MAGI2: variants seen among roughly 807,000 people sequenced by gnomAD.
The protein encoded by MAGI2 is membrane-associated guanylate kinase, WW and PDZ domain-containing protein 2.
MAGI2 carries 35 observed loss-of-function variants against 133.3 expected under a neutral mutation model. The observed-to-expected ratio is 0.26, with a 90% CI of 0.20 to 0.35. The LOEUF (loss-of-function observed/expected upper bound fraction) is 0.35. Ranked by LOEUF, MAGI2 falls within the 10% of genes least tolerant of loss-of-function variation. The pLI is 1.00. For synonymous variants in MAGI2, 729 were observed against 710.6 expected, an observed-to-expected ratio of 1.03 and a Z score of -0.41; for missense variants, 1,636 against 1,863.4, an observed-to-expected ratio of 0.88 and a Z score of 2.25.
chr7:78,876,810 G>C (rs1340399775), intron 2 of MAGI2, among the ~76,000 whole-genome samples: 1 of 152,158 alleles, frequency 6.6e-6, no homozygotes, highest in Non-Finnish European at 1.5e-5. Flanking sequence ...ATGGAATTTT[G>C]CTCCCCATCA....
At chr7:78,793,060 G>A (rs1210233787) in intron 2 of MAGI2, among the ~76,000 whole-genome samples, 2 of 152,210 alleles carry the variant, frequency 1.3e-5, no homozygotes, top group Non-Finnish European at 2.9e-5. Context: ...TATAAGCGTG[G>A]AAGTAAAACA....
At chr7:78,366,539 T>A (rs1793396845) in intron 7 of MAGI2, among the ~76,000 whole-genome samples, 1 of 152,136 alleles carries the variant, frequency 6.6e-6, no homozygotes, top group African/African-American at 2.4e-5. Context: ...GTGAAAATAA[T>A]AGTGCAATAG....
At chr7:78,575,317 T>C (rs1438944976) in intron 3 of MAGI2, among the ~76,000 whole-genome samples, 4 of 152,110 alleles carry the variant, frequency 2.6e-5, no homozygotes, top group Admixed American at 1.3e-4. Context: ...AAACTATGAT[T>C]ACTTTTTGCA....
intron 2 of MAGI2, among the ~76,000 whole-genome samples, chr7:78,741,060 G>A (rs1822370906): frequency 6.6e-6 from 1 of 152,150 alleles, no homozygotes; most frequent in South Asian, 2.1e-4. Flanking sequence ...AAAGAATGCA[G>A]CCATTTTTTT....
chr7:78,949,167 T>C (rs1456851552), intron 2 of MAGI2, among the ~76,000 whole-genome samples: 1 of 152,062 alleles, frequency 6.6e-6, no homozygotes, highest in Non-Finnish European at 1.5e-5. Flanking sequence ...TGTGGAAAAA[T>C]AGAAGGATTT....
At chr7:79,045,407 A>G (rs1812080548) in intron 1 of MAGI2, among the ~76,000 whole-genome samples, 1 of 152,240 alleles carries the variant, frequency 6.6e-6, no homozygotes, top group Non-Finnish European at 1.5e-5. Context: ...ATTTACTTAT[A>G]ATTTGTTACT....
chr7:78,046,327 G>A (rs557490495), intron 21 of MAGI2, among the ~76,000 whole-genome samples: 8 of 151,830 alleles, frequency 5.3e-5, no homozygotes, highest in Non-Finnish European at 1.2e-4. Flanking sequence ...GCTTGAGCCC[G>A]GGAGGTGGAG....
At chr7:78,063,091 C>G (rs1456261179) in intron 21 of MAGI2, among the ~76,000 whole-genome samples, 6 of 152,160 alleles carry the variant, frequency 3.9e-5, no homozygotes, top group Non-Finnish European at 8.8e-5. Context: ...TTTTAACTGC[C>G]TGCATTTTTC....
chr7:78,655,767 G>T (rs1166255344), intron 2 of MAGI2, among the ~76,000 whole-genome samples: 3 of 152,018 alleles, frequency 2.0e-5, no homozygotes, highest in African/African-American at 7.2e-5. Flanking sequence ...GGATCACGAG[G>T]TCAGGAGATC....
At chr7:78,090,635 G>A (rs1271460418) in intron 20 of MAGI2, among the ~76,000 whole-genome samples, 1 of 152,178 alleles carries the variant, frequency 6.6e-6, no homozygotes, top group Non-Finnish European at 1.5e-5. Flanking sequence ...AGGCAACCTT[G>A]AATTCTGAGA....
chr7:78,421,886 C>G (rs971455052), intron 6 of MAGI2, among the ~76,000 whole-genome samples: 1 of 152,092 alleles, frequency 6.6e-6, no homozygotes, highest in African/African-American at 2.4e-5. Context: ...AGTTGTGAGA[C>G]AGTCTTATAT....
At chr7:78,023,156 A>G (rs1024134715) in intron 21 of MAGI2, among the ~76,000 whole-genome samples, 6 of 152,224 alleles carry the variant, frequency 3.9e-5, no homozygotes, top group Non-Finnish European at 5.9e-5. Context: ...GGGCCTCTTC[A>G]GTAGGCAGCC....
At chr7:79,433,867 C>T (rs557358232) in intron 1 of MAGI2, among the ~76,000 whole-genome samples, 24 of 151,928 alleles carry the variant, frequency 1.6e-4, no homozygotes, top group South Asian at 1.5e-3. Flanking sequence ...TATAACAAAA[C>T]GGGAAAAAAC....
At chr7:78,366,751 A>G (rs1990369) in intron 7 of MAGI2, among the ~76,000 whole-genome samples, 75,176 of 151,940 alleles carry the variant, frequency 0.49, 19,149 homozygotes, top group Middle Eastern at 0.6. Context: ...TCTACTTAAC[A>G]TTGTCTTTAA....
At position 79,193,730 on chromosome 7, in the gene MAGI2, C is replaced by T. The variant is rs377152633; in HGVS notation, c.302-186524G>A. On this transcript the variant is annotated intron_variant, in intron 1 of 21. Coordinates refer to ENST00000354212, the MANE Select transcript of MAGI2 (RefSeq NM_012301.4). The stretch of plus-strand genomic sequence containing the variant: ...CATTACCTTTAATAGTACTTTCTCC[C>T]CCCACCACTTTTTGTACAAGGGCCC... 1.1e-4 allele frequency among the ~76,000 whole-genome samples: 17 copies of T among 151,864 alleles called. No homozygotes were observed. In the East Asian group the frequency reaches 2.9e-3, roughly 26 times the overall value.
chr7:78,555,079 C>T (rs1031014366), intron 3 of MAGI2, among the ~76,000 whole-genome samples: 2 of 151,574 alleles, frequency 1.3e-5, no homozygotes, highest in South Asian at 2.1e-4. Context: ...GTTGAGGCTG[C>T]AGTGAACTAT....
chr7:78,862,089 G>A (rs988246316), intron 2 of MAGI2, among the ~76,000 whole-genome samples: 1 of 152,150 alleles, frequency 6.6e-6, no homozygotes, highest in East Asian at 1.9e-4. Context: ...TACTGTTTAT[G>A]CTAAAGCAAT....
chr7:78,351,191 T>C (rs183320712), intron 7 of MAGI2, among the ~76,000 whole-genome samples: 3 of 152,194 alleles, frequency 2.0e-5, no homozygotes, highest in Admixed American at 2.0e-4. Context: ...CTCACTGTTT[T>C]CCAGCTTCAC....
At chr7:78,961,850 C>G (rs1024434050) in intron 2 of MAGI2, among the ~76,000 whole-genome samples, 10 of 152,022 alleles carry the variant, frequency 6.6e-5, no homozygotes, top group African/African-American at 2.4e-4. Context: ...TGTACTTACA[C>G]AAACCTAGAT....
Sources: allele counts gnomAD v4.1 joint callset (sites outside exome capture counted in the v4.1 genomes callset), GRCh38; gene constraint gnomAD v4.1.1; transcripts MANE v1.5; gene names NCBI Gene and HGNC (gene_info 2026-07-23, HGNC 2026-07-21).